ERG: variants seen among roughly 807,000 people sequenced by gnomAD.
ERG encodes the protein ETS transcription factor ERG.
ERG carries 9 observed loss-of-function variants against 55.3 expected under a neutral mutation model. The observed-to-expected ratio is 0.16, with a 90% CI of 0.10 to 0.28. ERG has a LOEUF of 0.28. ERG is among the 10% of genes least tolerant of loss of function. The pLI, the probability that ERG is intolerant of heterozygous loss-of-function variation, is 1.00. For synonymous variants in ERG, 223 were observed against 237.3 expected (o/e 0.94, Z 0.55); for missense variants, 434 against 631.6 (o/e 0.69, Z 3.35).
At chr21:38,374,521 G>C in the ERG span, among the ~76,000 whole-genome samples, 2 of 152,150 alleles carry the variant, frequency 1.3e-5, no homozygotes, top group African/African-American at 4.8e-5. Context: ...ACATTCCTTT[G>C]TTACTACTTT....
chr21:38,573,851 C>T (rs1045682176), intron 2 of ERG, among the ~76,000 whole-genome samples: 16 of 152,116 alleles, frequency 1.1e-4, no homozygotes, highest in Admixed American at 8.5e-4. Flanking sequence ...CTAGAAATAC[C>T]CACAGTTGTG....
At chr21:38,592,711 T>C (rs2060108455) in intron 1 of ERG, among the ~76,000 whole-genome samples, 1 of 152,156 alleles carries the variant, frequency 6.6e-6, no homozygotes, top group Non-Finnish European at 1.5e-5. Context: ...CCCCTTTTAC[T>C]CTAAGTCACA....
the ERG span, among the ~76,000 whole-genome samples, chr21:38,368,404 T>C: frequency 6.6e-6 from 1 of 152,222 alleles, no homozygotes; most frequent in South Asian, 2.1e-4. Context: ...CATTAATTGC[T>C]GTATAAACTC....
chr21:38,617,092 T>A (rs979032985), intron 1 of ERG, among the ~76,000 whole-genome samples: 1 of 152,224 alleles, frequency 6.6e-6, no homozygotes, highest in Non-Finnish European at 1.5e-5. Context: ...AACCTCTGAA[T>A]GACCTCCACG....
At chr21:38,500,309 C>T (rs894562559), upstream of ERG, among the ~76,000 whole-genome samples, 13 of 152,346 alleles carry the variant, frequency 8.5e-5, no homozygotes, top group Admixed American at 5.2e-4. Flanking sequence ...GCCTCACCCA[C>T]GCCTCGTGGT....
At position 38,434,033 on chromosome 21, in the gene ERG, T is replaced by TC. The variant is rs549404422; in HGVS notation, c.237-10473dup. Among the ~76,000 whole-genome samples the TC allele has an allele frequency of 1.9e-4, 29 of 152,126 alleles. No individual in the cohort carries two copies. The South Asian group carries it at 5.4e-3, about 28-fold the overall frequency. On this transcript the variant is annotated intron_variant, in intron 2 of 9. Transcript: ENST00000288319. ...TCTCCCTCCTGCTACCAGAGTGCTC[T>TC]CCCCCAAACAGAAATGCAAGCTGCC... is the stretch of plus-strand genomic sequence containing the variant.
chr21:38,485,694 G>A (rs1429521712), intron 1 of ERG, among the ~76,000 whole-genome samples: 10 of 151,872 alleles, frequency 6.6e-5, no homozygotes, highest in African/African-American at 2.2e-4. Flanking sequence ...TCCTGACCTC[G>A]TGATCCGCCC....
At chr21:38,371,789 T>C in the ERG span, among the ~76,000 whole-genome samples, 1 of 152,076 alleles carries the variant, frequency 6.6e-6, no homozygotes, top group African/African-American at 2.4e-5. Context: ...TTTTGCATCT[T>C]GCATTCATAA....
chr21:38,427,965 T>A (rs921122202), intron 2 of ERG, among the ~76,000 whole-genome samples: 1 of 152,102 alleles, frequency 6.6e-6, no homozygotes, highest in Non-Finnish European at 1.5e-5. Context: ...GATAGGTGAA[T>A]TGTTTTAGCT....
intron 1 of ERG, among the ~76,000 whole-genome samples, chr21:38,464,801 G>T (rs557843941): frequency 5.9e-5 from 9 of 151,860 alleles, no homozygotes; most frequent in Non-Finnish European, 1.2e-4. Flanking sequence ...ACTTATTAGT[G>T]AGAACATGTG....
chr21:38,432,996 T>C (rs947906156), intron 2 of ERG, among the ~76,000 whole-genome samples: 1 of 152,202 alleles, frequency 6.6e-6, no homozygotes, highest in African/African-American at 2.4e-5. Context: ...AGACGTGAGC[T>C]GAGCAGGGCA....
At chr21:38,447,858 A>G (rs2058906350) in intron 1 of ERG, among the ~76,000 whole-genome samples, 1 of 152,068 alleles carries the variant, frequency 6.6e-6, no homozygotes, top group Non-Finnish European at 1.5e-5. Flanking sequence ...GCTTTGGCTC[A>G]CCCATGATGA....
chr21:38,592,648 C>G (rs1009758613), intron 1 of ERG, among the ~76,000 whole-genome samples: 2 of 150,888 alleles, frequency 1.3e-5, no homozygotes, highest in African/African-American at 4.9e-5. Context: ...CTCTGCTATA[C>G]TTTAGAACTC....
intron 2 of ERG, among the ~76,000 whole-genome samples, chr21:38,566,295 A>G (rs1178597701): frequency 1.3e-5 from 2 of 152,166 alleles, no homozygotes; most frequent in East Asian, 3.9e-4. Flanking sequence ...CCATGGGAAA[A>G]TGCTAATTTA....
intron 1 of ERG, among the ~76,000 whole-genome samples, chr21:38,633,477 A>G (rs2060369422): frequency 6.6e-6 from 1 of 152,248 alleles, no homozygotes; most frequent in Non-Finnish European, 1.5e-5. Context: ...TAAAGCATAC[A>G]ACACTGGATG....
intron 1 of ERG, among the ~76,000 whole-genome samples, chr21:38,492,726 C>T (rs959000543): frequency 6.6e-6 from 1 of 151,928 alleles, no homozygotes; most frequent in Non-Finnish European, 1.5e-5. Flanking sequence ...AGATGGGAAT[C>T]GATGTGAAAT....
chr21:38,519,556 G>T (rs148955514), intron 2 of ERG, among the ~76,000 whole-genome samples: 1 of 152,288 alleles, frequency 6.6e-6, no homozygotes, highest in African/African-American at 2.4e-5. Context: ...ACTCTCATTT[G>T]CTTAACCCAA....
intron 1 of ERG, among the ~76,000 whole-genome samples, chr21:38,577,793 G>A (rs143241550): frequency 1.2e-4 from 18 of 152,300 alleles, no homozygotes; most frequent in African/African-American, 3.4e-4. Context: ...GGCTATTTCC[G>A]TATGTCTGGA....
At chr21:38,399,833 T>C (rs1988403770) in intron 6 of ERG, among the ~76,000 whole-genome samples, 1 of 152,186 alleles carries the variant, frequency 6.6e-6, no homozygotes, top group African/African-American at 2.4e-5. Context: ...TACATATGTG[T>C]CTCTCTGGCT....
Sources: allele counts gnomAD v4.1 joint callset (sites outside exome capture counted in the v4.1 genomes callset), GRCh38; gene constraint gnomAD v4.1.1; transcripts MANE v1.5; gene names NCBI Gene and HGNC (gene_info 2026-07-23, HGNC 2026-07-21).